TTC39B: variants seen among roughly 807,000 people sequenced by gnomAD.
TTC39B encodes the protein tetratricopeptide repeat protein 39B.
In TTC39B, 92 loss-of-function variants were observed where a neutral mutation model predicts 96.6. The ratio of observed to expected loss-of-function variants is 0.95; its 90% CI spans 0.80 to 1.13. The LOEUF is 1.13. TTC39B is among the 50% of genes most tolerant of loss of function. The pLI is 0.00. For missense variants in TTC39B, 955 were observed against 809.3 expected, an observed-to-expected ratio of 1.18 and a Z score of -2.18; for synonymous variants, 367 against 299.4, an observed-to-expected ratio of 1.23 and a Z score of -2.33.
chr9:15,237,838 A>G (rs1214469533), intron 2 of TTC39B, among the ~76,000 whole-genome samples: 1 of 152,168 alleles, frequency 6.6e-6, no homozygotes, highest in Non-Finnish European at 1.5e-5. Flanking sequence ...CAACAAAAAG[A>G]GAAAACTACC....
At chr9:15,237,099 G>T (rs1374211784) in intron 2 of TTC39B, among the ~76,000 whole-genome samples, 1 of 152,060 alleles carries the variant, frequency 6.6e-6, no homozygotes, top group Non-Finnish European at 1.5e-5. Context: ...TGGATCACCT[G>T]ATGTCAGGAG....
chr9:15,170,893 T>C (rs962983524), exon 20 of TTC39B: 6 of 152,212 alleles, frequency 3.9e-5, no homozygotes, highest in African/African-American at 1.4e-4. Flanking sequence ...AAATACCTAA[T>C]ACATAGACTC....
At chr9:15,214,668 T>C (rs1004108512) in intron 3 of TTC39B, among the ~76,000 whole-genome samples, 10 of 152,216 alleles carry the variant, frequency 6.6e-5, no homozygotes, top group African/African-American at 2.2e-4. Flanking sequence ...AACAGTACTT[T>C]ACTTCACAGA....
At chr9:15,300,426 T>C (rs1314288340) in intron 1 of TTC39B, among the ~76,000 whole-genome samples, 1 of 152,198 alleles carries the variant, frequency 6.6e-6, no homozygotes, top group African/African-American at 2.4e-5. Flanking sequence ...TGGCCTCTTC[T>C]GTCCAATGCC....
chr9:15,238,795 G>C (rs1821904390), intron 2 of TTC39B, among the ~76,000 whole-genome samples: 1 of 152,110 alleles, frequency 6.6e-6, no homozygotes, highest in Admixed American at 6.5e-5. Context: ...AGACCAGCCT[G>C]GGCAACACGA....
rs1024042325 is a variant in TTC39B, at chr9:15,168,002, T to A, written c.*4017A>T. Reference sequence around the variant, plus strand: ...GATCAAATGAAAGTTTAAGGGCACTTTAAATAGAAAAAGCAAACTTCACAG... The same window carrying A: ...GATCAAATGAAAGTTTAAGGGCACTATAAATAGAAAAAGCAAACTTCACAG... On this transcript the variant is annotated 3_prime_UTR_variant, in exon 20 of 20. Transcript: ENST00000512701. 2.6e-5 allele frequency: 4 copies of A among 152,184 alleles called. No homozygotes were observed. In the East Asian group the frequency reaches 7.7e-4, roughly 29 times the overall value. The allele number at this position is 152,184 out of a possible 1,614,324, so 9.4% of individuals were successfully genotyped here.
chr9:15,253,122 C>A (rs1822624679), intron 2 of TTC39B, among the ~76,000 whole-genome samples: 1 of 152,162 alleles, frequency 6.6e-6, no homozygotes, highest in African/African-American at 2.4e-5. Flanking sequence ...GTGTGGTAGT[C>A]TGAATAATGG....
intron 1 of TTC39B, among the ~76,000 whole-genome samples, chr9:15,279,745 A>T (rs1012448350): frequency 3.9e-5 from 6 of 152,106 alleles, no homozygotes; most frequent in African/African-American, 1.4e-4. Flanking sequence ...GGCACTAAGA[A>T]TCCTAAGTCA....
chr9:15,267,920 A>G, exon 2 of TTC39B: 2 of 1,610,164 alleles, frequency 1.2e-6, no homozygotes, highest in African/African-American at 2.7e-5. Context: ...TTACATTGAG[A>G]TGGTTTCCAA....
At chr9:15,192,010 C>G (rs1478948831) in intron 9 of TTC39B, among the ~76,000 whole-genome samples, 1 of 152,190 alleles carries the variant, frequency 6.6e-6, no homozygotes, top group Admixed American at 6.5e-5. Context: ...ATGGTCCATT[C>G]TGTGGGTACC....
chr9:15,292,997 C>T (rs903272747), intron 1 of TTC39B, among the ~76,000 whole-genome samples: 1 of 152,234 alleles, frequency 6.6e-6, no homozygotes, highest in African/African-American at 2.4e-5. Flanking sequence ...TAGGCCTTCA[C>T]ATTCACTCAC....
At position 15,211,455 on chromosome 9, in the gene TTC39B, A is replaced by C. The variant is rs41268949; in HGVS notation, c.483-58T>G. On this transcript the variant is annotated intron_variant, in intron 4 of 19. Transcript: ENST00000512701. ...ATTCAATGGAAATACTGATCATAAG[A>C]AATCCTAGTAAATGCATGTCCTGAC... is the stretch of plus-strand genomic sequence containing the variant. The C allele has an allele frequency of 2.7e-3, 3,692 of 1,353,046 alleles. 8 individuals carry two copies. The highest frequency in any genetic ancestry group is 4.3e-3 in the Middle Eastern group (22 of 5,108). 83.8% of individuals were successfully genotyped at this position (1,353,046 alleles called of 1,614,324 possible).
intron 7 of TTC39B, 125 bp downstream of exon 7, chr9:15,203,698 A>C: frequency 1.4e-6 from 1 of 701,718 alleles, no homozygotes; most frequent in Non-Finnish European, 2.3e-6. Context: ...TCAGAATAAC[A>C]AATATTTGCC....
chr9:15,303,710 C>T (rs2131626978), intron 1 of TTC39B, among the ~76,000 whole-genome samples: 1 of 151,990 alleles, frequency 6.6e-6, no homozygotes, highest in Admixed American at 6.6e-5. Context: ...TCAGCTCATG[C>T]AACCTCTGCC....
chr9:15,164,448 CAG>C (rs1168093636), exon 20 of TTC39B: 2 of 152,090 alleles, frequency 1.3e-5, no homozygotes, highest in African/African-American at 4.8e-5. Flanking sequence ...GTCAAGTTAA[CAG>C]AGGTTTTGAG....
exon 5 of TTC39B, chr9:15,211,338 A>T: frequency 6.3e-7 from 1 of 1,598,918 alleles, no homozygotes; most frequent in Non-Finnish European, 8.5e-7. Context: ...GAAGGTCAGG[A>T]CAGCCTGCAA....
chr9:15,238,152 A>G (rs575882482), intron 2 of TTC39B, among the ~76,000 whole-genome samples: 1 of 152,304 alleles, frequency 6.6e-6, no homozygotes, highest in East Asian at 1.9e-4. Flanking sequence ...CCCACAGCCA[A>G]CATCATATGG....
intron 1 of TTC39B, among the ~76,000 whole-genome samples, chr9:15,282,825 C>A (rs977474411): frequency 7.4e-6 from 1 of 136,022 alleles, no homozygotes. Flanking sequence ...TTTAAACCCA[C>A]AGAGTCCAGC....
At chr9:15,234,081 C>CA (rs1299537029) in intron 2 of TTC39B, among the ~76,000 whole-genome samples, 1 of 149,542 alleles carries the variant, frequency 6.7e-6, no homozygotes, top group African/African-American at 2.5e-5. Flanking sequence ...TCTGCCCGGC[C>CA]GCGACCCCAT....
Sources: allele counts gnomAD v4.1 joint callset (sites outside exome capture counted in the v4.1 genomes callset), GRCh38; gene constraint gnomAD v4.1.1; transcripts MANE v1.5; gene names NCBI Gene and HGNC (gene_info 2026-07-23, HGNC 2026-07-21).